Variants in SNTB2 observed in about 807,000 individuals in gnomAD.
SNTB2 encodes the protein syntrophin beta 2, also known as beta-2-syntrophin.
SNTB2 carries 34 observed loss-of-function variants against 46.2 expected under a neutral mutation model. The observed-to-expected ratio is 0.74, with a 90% CI of 0.56 to 0.98. The LOEUF is 0.98. SNTB2 is among the 50% of genes least tolerant of loss of function. The pLI is 0.00. For missense variants in SNTB2, 603 were observed against 731.4 expected, an observed-to-expected ratio of 0.82 and a Z score of 2.02; for synonymous variants, 290 against 312.6, an observed-to-expected ratio of 0.93 and a Z score of 0.76.
intron 1 of SNTB2, among the ~76,000 whole-genome samples, chr16:69,240,016 C>T (rs998278826): frequency 9.2e-5 from 14 of 152,108 alleles, no homozygotes; most frequent in African/African-American, 2.9e-4. Flanking sequence ...CACAGTTTAT[C>T]CATTCACTTC....
In SNTB2 at chr16:69,187,631, G is replaced by A. The variant is rs1291398099; in HGVS notation, c.465G>A (p.Arg155=). The A allele has an allele frequency of 6.4e-7, 1 of 1,555,644 alleles. No homozygotes were observed. Among genetic ancestry groups the A allele is most frequent in the Non-Finnish European group, 8.7e-7 (1 of 1,155,704 alleles). ...CCGGGCTGGCTGCCGACCAGAGCCG[G>A]GCGCTGCGGCTGGGCGACGCCATCC... ...IFPGLAADQS[R]ALRLGDAILS... is the part of the protein sequence containing the mutation. The change falls in exon 1 of 7, where the codon CGG becomes CGA. Residue 155 remains arginine (R), a synonymous_variant. Transcript: ENST00000336278.
chr16:69,252,531 T>C lies in SNTB2; in HGVS notation c.794+6716T>C, dbSNP rs200718260. 4.1e-4 allele frequency among the ~76,000 whole-genome samples: 62 copies of C among 152,328 alleles called. 1 individual carries two copies. Among genetic ancestry groups the C allele is most frequent in the East Asian group, 3.5e-3 (18 of 5,188 alleles). ...TCACAGTGCCTCAGTCATCTTCACA[T>C]TGGCAATTTTCCATGTAAAAGGTAA... On this transcript the variant is annotated intron_variant, in intron 2 of 6. Coordinates refer to ENST00000336278, the MANE Select transcript of SNTB2 (RefSeq NM_006750.4).
intron 1 of SNTB2, among the ~76,000 whole-genome samples, chr16:69,223,590 C>G (rs1008946859): frequency 7.2e-5 from 11 of 152,050 alleles, no homozygotes; most frequent in Non-Finnish European, 1.3e-4. Context: ...CCACATTACA[C>G]TTCGTTGTCA....
chr16:69,208,508 A>T lies in SNTB2; in HGVS notation c.580+20762A>T, dbSNP rs574991134. Among the ~76,000 whole-genome samples the T allele has an allele frequency of 4.0e-5, 6 of 151,872 alleles. No individual in the cohort carries two copies. In the East Asian group the frequency reaches 9.7e-4, roughly 24 times the overall value. On this transcript the variant is annotated intron_variant, in intron 1 of 6. Transcript: ENST00000336278. Reference sequence around the variant, plus strand: ...TATGAGCTTAAACCATTTGCTGTGTATACCTGTAGTTTATTGTTTCTCATT... The same window carrying T: ...TATGAGCTTAAACCATTTGCTGTGTTTACCTGTAGTTTATTGTTTCTCATT...
intron 1 of SNTB2, among the ~76,000 whole-genome samples, chr16:69,217,739 G>A (rs1437782590): frequency 3.3e-5 from 5 of 152,190 alleles, no homozygotes; most frequent in East Asian, 3.8e-4. Context: ...TGGCTTTGCC[G>A]TAGGCTGGCT....
intron 4 of SNTB2, among the ~76,000 whole-genome samples, chr16:69,275,354 A>C (rs1194818343): frequency 6.6e-6 from 1 of 152,212 alleles, no homozygotes; most frequent in Non-Finnish European, 1.5e-5. Flanking sequence ...AGTATGAGCC[A>C]CCATACCAAT....
chr16:69,188,145 A>G (rs1172985465), intron 1 of SNTB2, among the ~76,000 whole-genome samples: 2 of 152,052 alleles, frequency 1.3e-5, no homozygotes. Flanking sequence ...GTCTATTAAA[A>G]AAAAAAAAAA....
At chr16:69,213,108 C>A (rs1454430832) in intron 1 of SNTB2, among the ~76,000 whole-genome samples, 1 of 151,816 alleles carries the variant, frequency 6.6e-6, no homozygotes, top group African/African-American at 2.4e-5. Flanking sequence ...ATCATTAAGA[C>A]CTCAGTTTCT....
chr16:69,266,440 AT>A (rs908171574), intron 3 of SNTB2, among the ~76,000 whole-genome samples: 4 of 151,316 alleles, frequency 2.6e-5, no homozygotes, highest in Non-Finnish European at 5.9e-5. Context: ...CTTAGTTTTC[AT>A]TTTTTTTTCC....
intron 5 of SNTB2, among the ~76,000 whole-genome samples, chr16:69,285,237 T>C (rs955832404): frequency 2.0e-5 from 3 of 152,292 alleles, no homozygotes; most frequent in South Asian, 2.1e-4. Flanking sequence ...AAAGTGATAA[T>C]GATAGAAAGA....
At chr16:69,292,275 A>T (rs1306876284) in intron 5 of SNTB2, among the ~76,000 whole-genome samples, 1 of 146,598 alleles carries the variant, frequency 6.8e-6, no homozygotes, top group African/African-American at 2.5e-5. Flanking sequence ...AAAGTGGATA[A>T]CATATACACT....
At chr16:69,189,034 A>G (rs1964023248) in intron 1 of SNTB2, among the ~76,000 whole-genome samples, 2 of 152,174 alleles carry the variant, frequency 1.3e-5, no homozygotes, top group African/African-American at 4.8e-5. Context: ...AGAAGGACCA[A>G]TCGTCAAACC....
rs555524197 is a variant in SNTB2 at position 69,189,061 on chromosome 16, A to C, written c.580+1315A>C. ...CGTCAAACCGAGAGGCCAGAAGTCC[A>C]ACTTGGCACAATGGATTTTCACTTT... On this transcript the variant is annotated intron_variant, in intron 1 of 6. Coordinates refer to ENST00000336278, the MANE Select transcript of SNTB2 (RefSeq NM_006750.4). 3.9e-5 allele frequency among the ~76,000 whole-genome samples: 6 copies of C among 152,326 alleles called. No individual in the cohort carries two copies. The South Asian group carries it at 1.2e-3, about 32-fold the overall frequency.
chr16:69,197,735 A>G (rs1437406194), intron 1 of SNTB2, among the ~76,000 whole-genome samples: 1 of 152,208 alleles, frequency 6.6e-6, no homozygotes, highest in Non-Finnish European at 1.5e-5. Context: ...CTGAACACTA[A>G]ATGTCTTTGA....
intron 2 of SNTB2, among the ~76,000 whole-genome samples, chr16:69,255,902 G>C (rs973617725): frequency 6.6e-6 from 1 of 150,938 alleles, no homozygotes; most frequent in Non-Finnish European, 1.5e-5. Flanking sequence ...ATTGGTTGGG[G>C]TGGGGGGCGA....
chr16:69,285,878 C>T (rs184244183), intron 5 of SNTB2, among the ~76,000 whole-genome samples: 9 of 152,152 alleles, frequency 5.9e-5, no homozygotes, highest in Admixed American at 2.6e-4. Context: ...CTGCAACCTC[C>T]GCCTCCCAGG....
intron 2 of SNTB2, among the ~76,000 whole-genome samples, chr16:69,247,055 A>T (rs191685870): frequency 0.018 from 2,591 of 147,258 alleles, 26 homozygotes; most frequent in African/African-American, 0.034. Context: ...TAATAAAAAA[A>T]ATATATATAT....
intron 1 of SNTB2, among the ~76,000 whole-genome samples, chr16:69,241,163 A>G (rs1964610119): frequency 8.5e-6 from 1 of 117,486 alleles, no homozygotes; most frequent in South Asian, 3.2e-4. Context: ...CCCGGCCTGG[A>G]TAAGCTTTTT....
chr16:69,212,720 C>T (rs1295111614), intron 1 of SNTB2, among the ~76,000 whole-genome samples: 5 of 150,894 alleles, frequency 3.3e-5, no homozygotes, highest in South Asian at 2.1e-4. Context: ...CCGCAACCTC[C>T]GCCTCCTGGG....
Sources: gnomAD v4.1 joint callset for allele counts (sites outside exome capture counted in the v4.1 genomes callset) on GRCh38, gnomAD v4.1.1 for gene constraint, MANE v1.5 for transcripts, NCBI Gene and HGNC (gene_info 2026-07-23, HGNC 2026-07-21) for gene names.